Variants in MPDZ observed in about 807,000 individuals in gnomAD.
MPDZ encodes the protein multiple PDZ domain protein.
In MPDZ, 234 loss-of-function variants were observed where a neutral mutation model predicts 239.1. The observed-to-expected ratio is 0.98, with a 90% CI of 0.88 to 1.09. MPDZ has a LOEUF of 1.09. Among genes scored for constraint, MPDZ ranks in the 50% least tolerant of loss-of-function variants. The probability of loss-of-function intolerance (pLI) is 0.00; values close to 1 mark genes in which losing one functional copy is unlikely to be tolerated. For missense variants in MPDZ, 3,175 were observed against 2,510.0 expected, an observed-to-expected ratio of 1.26 and a Z score of -5.66; for synonymous variants, 1,048 against 881.3, an observed-to-expected ratio of 1.19 and a Z score of -3.35.
intron 25 of MPDZ, among the ~76,000 whole-genome samples, chr9:13,148,493 T>C (rs1429939789): frequency 9.9e-5 from 15 of 152,034 alleles, no homozygotes; most frequent in Non-Finnish European, 4.4e-5. Flanking sequence ...GATCTTTGCA[T>C]AGAACATTAT....
intron 3 of MPDZ, among the ~76,000 whole-genome samples, chr9:13,231,539 AAG>A (rs1211285974): frequency 6.6e-6 from 1 of 152,006 alleles, no homozygotes; most frequent in Non-Finnish European, 1.5e-5. Context: ...CTGGGTGACA[AAG>A]AGCAACTCTA....
At chr9:13,192,322 A>C (rs1955046753) in intron 14 of MPDZ, 27 bp from the exon 15 acceptor site, 1 of 1,550,800 alleles carries the variant, frequency 6.4e-7, no homozygotes, top group Admixed American at 1.9e-5. Flanking sequence ...ATTGTCCAAC[A>C]AACAACACTT....
At chr9:13,121,675 CTT>C in intron 38 of MPDZ, 62 bp downstream of exon 38, 1 of 1,559,416 alleles carries the variant, frequency 6.4e-7, no homozygotes, top group Non-Finnish European at 8.8e-7. Context: ...TGCTATTACT[CTT>C]TAAAATGATT....
intron 21 of MPDZ, among the ~76,000 whole-genome samples, chr9:13,173,733 C>T (rs1268134878): frequency 6.6e-6 from 1 of 151,874 alleles, no homozygotes; most frequent in Non-Finnish European, 1.5e-5. Flanking sequence ...GGTAAGCAAT[C>T]CAAATAGCCA....
chr9:13,115,356 G>A lies in MPDZ; in HGVS notation c.5380-22C>T, dbSNP rs180871435. 64 of 1,569,168 alleles carry A rather than the reference G, an allele frequency of 4.1e-5. No individual in the cohort carries two copies. In the Admixed American group the frequency reaches 6.4e-4, roughly 16 times the overall value. On this transcript the variant is annotated intron_variant, in intron 39 of 46. Transcript: ENST00000319217. ...AACACTGGGGGTGGGCATGGGGGGT[G>A]TTTTATGGAAATGTTTAAATAAAAT...
intron 17 of MPDZ, among the ~76,000 whole-genome samples, chr9:13,187,679 T>A (rs1184654154): frequency 6.6e-6 from 1 of 152,206 alleles, no homozygotes; most frequent in Non-Finnish European, 1.5e-5. Flanking sequence ...CAAAGCTTAC[T>A]GTTTTAACAA....
Position 13,168,515 on chromosome 9 carries a change from G to A in MPDZ, c.3105C>T (p.Ser1035=), listed in dbSNP as rs767443887. The change falls in exon 22 of 47, where the codon AGC becomes AGT. Residue 1035 remains serine, a synonymous_variant. Coordinates refer to ENST00000319217, the MANE Select transcript of MPDZ (RefSeq NM_001378778.1). ...GACTAATGGCACCTCCATGAATAAT[G>A]CTTCGAACGATCATCCCCAAGCCAT... The part of the protein sequence containing the change: ...NKDGLGMIVR[S]IIHGGAISRD... The A allele has an allele frequency of 6.2e-7, 1 of 1,613,006 alleles. No homozygotes were observed. Among genetic ancestry groups the A allele is most frequent in the East Asian group, 2.2e-5 (1 of 44,794 alleles).
intron 26 of MPDZ, among the ~76,000 whole-genome samples, chr9:13,143,817 C>A (rs1563895950): frequency 6.6e-6 from 1 of 152,056 alleles, no homozygotes; most frequent in African/African-American, 2.4e-5. Context: ...TCCCAAATTT[C>A]TTTTATTTTT....
Position 13,123,199 on chromosome 9 carries a change from C to A in MPDZ, c.4907G>T (p.Arg1636Leu). 6.2e-7 allele frequency: 1 copy of A among 1,613,218 alleles called. No individual in the cohort carries two copies. Among genetic ancestry groups the A allele is most frequent in the Non-Finnish European group, 8.5e-7 (1 of 1,179,812 alleles). ...AACGATGCTCAGGCCCAGCCCTGTTCGCCCTTTGGAAATCTCGATGGTTGT... is the reference window on the plus strand; with the variant it reads ...AACGATGCTCAGGCCCAGCCCTGTTAGCCCTTTGGAAATCTCGATGGTTGT... ...CETTIEISKG[R>L]TGLGLSIVGG... The change falls in exon 36 of 47, where the codon CGA becomes CTA. Residue 1636 changes from arginine (R) to leucine (L), a missense_variant. Arg to Leu is a moderately radical substitution (Grantham distance 102). Transcript: ENST00000319217.
chr9:13,248,735 A>G (rs560511152), intron 2 of MPDZ, among the ~76,000 whole-genome samples: 23 of 151,916 alleles, frequency 1.5e-4, no homozygotes, highest in Admixed American at 1.4e-3. Flanking sequence ...TGGGAGGCTG[A>G]GGCGGGTGGA....
chr9:13,181,281 C>T (rs1474575313), intron 19 of MPDZ, among the ~76,000 whole-genome samples: 10 of 152,026 alleles, frequency 6.6e-5, no homozygotes, highest in Admixed American at 3.3e-4. Context: ...CCTTTAAGTA[C>T]GCTCACTTTT....
chr9:13,188,512 C>CATCA lies in MPDZ; in HGVS notation c.2364+268_2364+271dup, dbSNP rs555300354. Among the ~76,000 whole-genome samples the CATCA allele has an allele frequency of 3.8e-3, 579 of 151,930 alleles. 2 individuals are homozygous for CATCA. Among genetic ancestry groups the CATCA allele is most frequent in the Non-Finnish European group, 6.4e-3 (437 of 67,946 alleles). ...CAGCCTGAGCAACAGAGCAAGGCTC[C>CATCA]ATCAATCAATCAATCAATCAATCAA... On this transcript the variant is annotated intron_variant, in intron 17 of 46. Coordinates refer to ENST00000319217, the MANE Select transcript of MPDZ (RefSeq NM_001378778.1).
intron 19 of MPDZ, among the ~76,000 whole-genome samples, chr9:13,179,498 C>T (rs947471965): frequency 6.6e-6 from 1 of 152,110 alleles, no homozygotes; most frequent in African/African-American, 2.4e-5. Context: ...AAGAGCTAAT[C>T]AACACAGTAG....
intron 39 of MPDZ, among the ~76,000 whole-genome samples, chr9:13,115,801 T>A (rs375986638): frequency 2.0e-5 from 3 of 151,578 alleles, no homozygotes; most frequent in Non-Finnish European, 4.4e-5. Context: ...AAAAAATAGC[T>A]GGGCGTGGTG....
chr9:13,136,896 T>A lies in MPDZ; in HGVS notation c.4201-93A>T, dbSNP rs556136011. 6.4e-6 allele frequency: 4 copies of A among 628,154 alleles called. No individual in the cohort carries two copies. The African/African-American group carries it at 7.6e-5, about 12-fold the overall frequency. The allele number at this position is 628,154 out of a possible 1,614,324, so 38.9% of individuals were successfully genotyped here. A position where few individuals can be genotyped will look rare whatever the true frequency, so the allele number is the denominator to read the frequency against. ...CATTAATGAAAAGCACATTTTTTCT[T>A]CCTTTAAAATATATTTTATATTAAA... On this transcript the variant is annotated intron_variant, in intron 29 of 46. Transcript: ENST00000319217.
intron 2 of MPDZ, among the ~76,000 whole-genome samples, chr9:13,248,027 G>C (rs780661636): frequency 3.3e-5 from 5 of 152,042 alleles, no homozygotes; most frequent in Non-Finnish European, 7.4e-5. Flanking sequence ...AGGAGTTCGA[G>C]ACCAGCCTGG....
At chr9:13,122,300 A>G (rs1753934267) in intron 36 of MPDZ, 130 bp from the exon 37 acceptor site, 1 of 753,550 alleles carries the variant, frequency 1.3e-6, no homozygotes, top group African/African-American at 1.8e-5. Flanking sequence ...CTACAGTACA[A>G]GCTCCATATA....
intron 12 of MPDZ, among the ~76,000 whole-genome samples, chr9:13,202,207 C>A (rs1956465493): frequency 6.6e-6 from 1 of 152,096 alleles, no homozygotes; most frequent in African/African-American, 2.4e-5. Flanking sequence ...TAAAACACTT[C>A]CCTGGAACTA....
intron 1 of MPDZ, among the ~76,000 whole-genome samples, chr9:13,259,835 TG>T (rs1970266063): frequency 6.6e-6 from 1 of 152,018 alleles, no homozygotes; most frequent in Non-Finnish European, 1.5e-5. Flanking sequence ...AGTTTAGATT[TG>T]TTTTTTGTTT....
Sources: gnomAD v4.1 joint callset for allele counts (sites outside exome capture counted in the v4.1 genomes callset) on GRCh38, gnomAD v4.1.1 for gene constraint, MANE v1.5 for transcripts, NCBI Gene and HGNC (gene_info 2026-07-23, HGNC 2026-07-21) for gene names.